TTC6: variants seen among roughly 807,000 people sequenced by gnomAD.
TTC6 encodes the protein tetratricopeptide repeat protein 6.
Under a neutral mutation model 210.4 loss-of-function variants are expected in TTC6, and 172 were observed. The observed-to-expected ratio is 0.82, with a 90% CI of 0.72 to 0.93. The LOEUF is 0.93. Ranked by LOEUF, TTC6 falls within the 40% of genes least tolerant of loss-of-function variation. The probability of loss-of-function intolerance (pLI) is 0.00; values close to 1 mark genes in which losing one functional copy is unlikely to be tolerated. For missense variants in TTC6, 2,414 were observed against 2,318.1 expected, an observed-to-expected ratio of 1.04 and a Z score of -0.85; for synonymous variants, 804 against 819.6, an observed-to-expected ratio of 0.98 and a Z score of 0.32.
intron 17 of TTC6, among the ~76,000 whole-genome samples, chr14:37,792,651 A>G (rs540275065): frequency 6.6e-6 from 1 of 151,950 alleles, no homozygotes; most frequent in Non-Finnish European, 1.5e-5. Flanking sequence ...TTTCTTAATT[A>G]CAAAAGCATT....
At chr14:37,826,197 C>G in exon 28 of TTC6, 1 of 1,572,666 alleles carries the variant, frequency 6.4e-7, no homozygotes, top group Non-Finnish European at 8.7e-7. Flanking sequence ...TATTTTAGGC[C>G]CAAGGAAAAT....
intron 1 of TTC6, among the ~76,000 whole-genome samples, chr14:37,661,252 A>G (rs1337663764): frequency 2.6e-5 from 4 of 152,120 alleles, no homozygotes; most frequent in South Asian, 2.1e-4. Context: ...TTGCCATACA[A>G]TCTTTGCCCA....
chr14:37,650,836 G>A lies in TTC6; in HGVS notation c.939+27833G>A, dbSNP rs145788503. 3.6e-3 allele frequency among the ~76,000 whole-genome samples: 553 copies of A among 152,302 alleles called. 4 individuals are homozygous for A. Among genetic ancestry groups the A allele is most frequent in the African/African-American group, 0.013 (529 of 41,558 alleles). ...CAAATCAGAATAAAAAATAACAGCC[G>A]TAGAACCACAGAATACCTTTGGGCA... On this transcript the variant is annotated intron_variant, in intron 1 of 30. Transcript: ENST00000553443.
At chr14:37,782,875 A>G (rs965830910) in intron 14 of TTC6, among the ~76,000 whole-genome samples, 18 of 152,234 alleles carry the variant, frequency 1.2e-4, no homozygotes, top group African/African-American at 3.6e-4. Context: ...TTCTGCATCT[A>G]TTGAGATAAT....
At chr14:37,711,502 A>T (rs1350853414) in intron 5 of TTC6, among the ~76,000 whole-genome samples, 1 of 152,160 alleles carries the variant, frequency 6.6e-6, no homozygotes, top group Admixed American at 6.6e-5. Context: ...ACTCATTACT[A>T]TAATGGCCTG....
At chr14:37,613,430 G>A (rs28754908) in intron 2 of TTC6, among the ~76,000 whole-genome samples, 7,948 of 152,106 alleles carry the variant, frequency 0.052, 696 homozygotes, top group African/African-American at 0.18. Context: ...ATGCGCATAA[G>A]GAATATTAGT....
At chr14:37,841,713 A>C (rs951493900) in intron 30 of TTC6, 43 bp downstream of exon 32, 1 of 1,461,832 alleles carries the variant, frequency 6.8e-7, no homozygotes, top group Non-Finnish European at 9.4e-7. Flanking sequence ...CAGTGGTTGA[A>C]GTGATTATTT....
intron 25 of TTC6, among the ~76,000 whole-genome samples, chr14:37,814,203 A>G (rs2096136283): frequency 6.6e-6 from 1 of 152,156 alleles, no homozygotes; most frequent in Admixed American, 6.5e-5. Flanking sequence ...TCATTGTCAA[A>G]CATTCTCTTC....
At chr14:37,832,200 C>A (rs1346495187) in intron 29 of TTC6, among the ~76,000 whole-genome samples, 2 of 151,734 alleles carry the variant, frequency 1.3e-5, no homozygotes, top group Admixed American at 1.3e-4. Flanking sequence ...TCTTTTCTCT[C>A]ATTTTTTAGT....
intron 1 of TTC6, among the ~76,000 whole-genome samples, chr14:37,646,504 G>T (rs2095702031): frequency 6.6e-6 from 1 of 152,086 alleles, no homozygotes; most frequent in East Asian, 1.9e-4. Flanking sequence ...ACATGAAATA[G>T]ACCTCTGTGG....
exon 26 of TTC6, chr14:37,817,594 C>T: frequency 1.2e-6 from 2 of 1,613,964 alleles, no homozygotes; most frequent in Non-Finnish European, 1.7e-6. Flanking sequence ...AAACAAGCTG[C>T]ACTGATAAGC....
chr14:37,696,591 C>G, intron 3 of TTC6, 126 bp from the exon 6 acceptor site: 1 of 409,160 alleles, frequency 2.4e-6, no homozygotes, highest in Non-Finnish European at 4.2e-6. Flanking sequence ...TTACTTTTAG[C>G]ATTCTGTTAT....
intron 27 of TTC6, among the ~76,000 whole-genome samples, chr14:37,825,051 T>C (rs1006139127): frequency 6.6e-6 from 1 of 152,050 alleles, no homozygotes; most frequent in Non-Finnish European, 1.5e-5. Context: ...AAGAATTGAG[T>C]CAGGAAGGAG....
intron 1 of TTC6, among the ~76,000 whole-genome samples, chr14:37,649,533 C>T (rs866591860): frequency 1.3e-5 from 2 of 152,164 alleles, no homozygotes; most frequent in Admixed American, 6.6e-5. Flanking sequence ...TGTTTTCTCC[C>T]GAATCACTTG....
chr14:37,832,788 G>A (rs536263557), intron 29 of TTC6, among the ~76,000 whole-genome samples: 5 of 152,070 alleles, frequency 3.3e-5, no homozygotes, highest in African/African-American at 4.8e-5. Flanking sequence ...GGCCACGCGC[G>A]GTGGCTTATG....
At chr14:37,702,310 C>T (rs1183304621) in intron 5 of TTC6, among the ~76,000 whole-genome samples, 1 of 152,094 alleles carries the variant, frequency 6.6e-6, no homozygotes, top group Non-Finnish European at 1.5e-5. Flanking sequence ...TCATTATCAC[C>T]CACTTAAAGA....
chr14:37,767,724 C>T (rs898680056), intron 14 of TTC6, among the ~76,000 whole-genome samples: 135 of 151,816 alleles, frequency 8.9e-4, no homozygotes, highest in Middle Eastern at 3.4e-3. Flanking sequence ...GAGTAGGCTG[C>T]GAAAATTTTC....
chr14:37,701,507 G>A, exon 5 of TTC6: 1 of 1,494,434 alleles, frequency 6.7e-7, no homozygotes, highest in South Asian at 1.3e-5. Flanking sequence ...TCGCTTTACA[G>A]ATGAAGAACA....
chr14:37,631,088 T>G (rs933937466), intron 1 of TTC6, among the ~76,000 whole-genome samples: 1 of 151,926 alleles, frequency 6.6e-6, no homozygotes, highest in Non-Finnish European at 1.5e-5. Flanking sequence ...TGTCTTTTAA[T>G]TGGGGAATTT....
Sources: gnomAD v4.1 joint callset for allele counts (sites outside exome capture counted in the v4.1 genomes callset) on GRCh38, gnomAD v4.1.1 for gene constraint, MANE v1.5 for transcripts, NCBI Gene and HGNC (gene_info 2026-07-23, HGNC 2026-07-21) for gene names.